Variants in GSG1L observed in about 807,000 individuals in gnomAD.
GSG1L encodes GSG1 like, also known as germ cell-specific gene 1-like protein.
Under a neutral mutation model 42.1 loss-of-function variants are expected in GSG1L, and 24 were observed. That is an observed-to-expected ratio of 0.57 (90% CI 0.41 to 0.80). GSG1L has a LOEUF of 0.80. GSG1L is among the 30% of genes least tolerant of loss of function. The probability of loss-of-function intolerance (pLI) is 0.00; values close to 1 mark genes in which losing one functional copy is unlikely to be tolerated. For missense variants in GSG1L, 445 were observed against 472.2 expected, an observed-to-expected ratio of 0.94 and a Z score of 0.53; for synonymous variants, 215 against 203.5, an observed-to-expected ratio of 1.06 and a Z score of -0.48.
At chr16:27,952,739 G>T (rs2084963867) in intron 2 of GSG1L, among the ~76,000 whole-genome samples, 1 of 152,230 alleles carries the variant, frequency 6.6e-6, no homozygotes, top group Admixed American at 6.5e-5. Context: ...AAGATAATTT[G>T]AAATTCAGCA....
chr16:28,039,870 GCAGAT>G (rs2086087671), intron 1 of GSG1L, among the ~76,000 whole-genome samples: 1 of 152,126 alleles, frequency 6.6e-6, no homozygotes, highest in East Asian at 1.9e-4. Context: ...TTGGTCAACA[GCAGAT>G]CAGAAGTCAA....
chr16:28,035,567 A>G (rs2086024818), intron 1 of GSG1L, among the ~76,000 whole-genome samples: 1 of 152,326 alleles, frequency 6.6e-6, no homozygotes, highest in African/African-American at 2.4e-5. Context: ...TTAATAAAAT[A>G]TCGGGAAGCA....
rs535178513 is a variant in GSG1L, at chr16:27,929,892, T to C, written c.397+33264A>G. ...TCCATGGAACCTCCTTCCTTACCAT[T>C]ACCTTCCTCTCCTGCCAGCATGGGT... On this transcript the variant is annotated intron_variant, in intron 2 of 6. Transcript: ENST00000447459. 3.6e-4 allele frequency among the ~76,000 whole-genome samples: 54 copies of C among 152,110 alleles called. 1 individual carries two copies. In the South Asian group the frequency reaches 0.011, roughly 30 times the overall value.
intron 3 of GSG1L, among the ~76,000 whole-genome samples, chr16:27,851,658 C>A (rs543743680): frequency 2.0e-5 from 3 of 152,260 alleles, no homozygotes; most frequent in Middle Eastern, 3.4e-3. Context: ...GAAATGCATG[C>A]GGCTCTCAGG....
chr16:27,916,223 C>T (rs1414856886), intron 2 of GSG1L, among the ~76,000 whole-genome samples: 1 of 152,198 alleles, frequency 6.6e-6, no homozygotes, highest in African/African-American at 2.4e-5. Context: ...GAGACCACAC[C>T]CCTTCCATGC....
chr16:28,063,650 G>T lies in GSG1L; in HGVS notation c.-226C>A. ...GCTGGCGGGGCGGGCGGCGGTGGAG[G>T]AGCGGCTACGGCGCGCCCGGAGCCC... On this transcript the variant is annotated 5_prime_UTR_variant, in exon 1 of 7. Coordinates refer to ENST00000447459, the MANE Select transcript of GSG1L (RefSeq NM_001109763.2). The surrounding 1 kb of genome is among the most constrained non-coding windows in gnomAD (Gnocchi z 5.8). 1 of 150,038 alleles carries T rather than the reference G, an allele frequency of 6.7e-6. No individual in the cohort carries two copies. Among genetic ancestry groups the T allele is most frequent in the South Asian group, 1.8e-4 (1 of 5,654 alleles). The allele number at this position is 150,038 out of a possible 1,614,324, so 9.3% of individuals were successfully genotyped here. A position where few individuals can be genotyped will look rare whatever the true frequency, so the allele number is the denominator to read the frequency against.
intron 1 of GSG1L, among the ~76,000 whole-genome samples, chr16:28,053,867 C>T (rs1463597830): frequency 6.6e-6 from 1 of 152,170 alleles, no homozygotes; most frequent in East Asian, 1.9e-4. Flanking sequence ...GCACCCAATG[C>T]GGTGCACGTG....
chr16:27,963,843 G>A (rs1332044742), intron 1 of GSG1L, among the ~76,000 whole-genome samples: 2 of 152,064 alleles, frequency 1.3e-5, no homozygotes, highest in Non-Finnish European at 2.9e-5. Flanking sequence ...ATGGGGCATG[G>A]CCACCATCCT....
rs144616580 is a variant in GSG1L at position 27,809,567 on chromosome 16, AC to A, written c.831-2014del. Among the ~76,000 whole-genome samples the A allele has an allele frequency of 9.5e-3, 1,213 of 128,040 alleles. 17 individuals are homozygous for A. Among genetic ancestry groups the A allele is most frequent in the African/African-American group, 0.034 (1,154 of 33,452 alleles). 84.0% of individuals were successfully genotyped at this position (128,040 alleles called of 152,430 possible). A position where few individuals can be genotyped will look rare whatever the true frequency, so the allele number is the denominator to read the frequency against. The stretch of plus-strand genomic sequence containing the variant: ...CACTCCAGCCCAAGCAACAAGTGAG[AC>A]CCCGTCTGAGAAAAAAAAAAAAACC... On this transcript the variant is annotated intron_variant, in intron 5 of 6. Coordinates refer to ENST00000447459, the MANE Select transcript of GSG1L (RefSeq NM_001109763.2).
intron 2 of GSG1L, among the ~76,000 whole-genome samples, chr16:27,959,960 G>A (rs1325594604): frequency 2.0e-5 from 3 of 152,128 alleles, no homozygotes; most frequent in Admixed American, 1.3e-4. Flanking sequence ...TCAGGCAAAC[G>A]AAGAAAAATG....
intron 1 of GSG1L, among the ~76,000 whole-genome samples, chr16:28,001,920 G>A (rs1345735068): frequency 6.6e-6 from 1 of 152,172 alleles, no homozygotes. Context: ...CTATGTATAG[G>A]CAAGAATGGG....
intron 6 of GSG1L, among the ~76,000 whole-genome samples, chr16:27,804,395 C>T (rs1382002809): frequency 6.6e-6 from 1 of 152,116 alleles, no homozygotes; most frequent in Non-Finnish European, 1.5e-5. Flanking sequence ...GTCCCAGCTC[C>T]GTGGTTTCTC....
chr16:27,828,968 T>A lies in GSG1L; in HGVS notation c.663-12A>T, dbSNP rs1235610391. 3.1e-6 allele frequency: 5 copies of A among 1,613,272 alleles called. No individual in the cohort carries two copies. Among genetic ancestry groups the A allele is most frequent in the Admixed American group, 3.3e-5 (2 of 59,942 alleles). ...AGCCCCACGCCAGGCTGCCAAGAGATCAGGAGAGAGATGCCATCGTGAGGG... is the reference window on the plus strand; with the variant it reads ...AGCCCCACGCCAGGCTGCCAAGAGAACAGGAGAGAGATGCCATCGTGAGGG... On this transcript the variant is annotated splice_polypyrimidine_tract_variant and intron_variant, in intron 4 of 6. Transcript: ENST00000447459.
At chr16:28,041,136 T>C (rs530759871) in intron 1 of GSG1L, among the ~76,000 whole-genome samples, 6 of 152,312 alleles carry the variant, frequency 3.9e-5, no homozygotes, top group Middle Eastern at 3.4e-3. Flanking sequence ...CTTTGATCCC[T>C]GATAGCTATC....
Position 27,909,382 on chromosome 16 carries a change from T to A in GSG1L, c.398-24744A>T, listed in dbSNP as rs546095542. On this transcript the variant is annotated intron_variant, in intron 2 of 6. Coordinates refer to ENST00000447459, the MANE Select transcript of GSG1L (RefSeq NM_001109763.2). The stretch of plus-strand genomic sequence containing the variant: ...TTTCTTTCTTTCTTTCTTCTTTTTC[T>A]TTTTTTTTTTTTTTTTGACAGGGTT... Among the ~76,000 whole-genome samples the A allele has an allele frequency of 2.5e-3, 157 of 62,036 alleles. 2 individuals carry two copies. The highest frequency in any genetic ancestry group is 7.9e-3 in the African/African-American group (105 of 13,244). The allele number at this position is 62,036 out of a possible 152,430, so 40.7% of individuals were successfully genotyped here.
intron 1 of GSG1L, among the ~76,000 whole-genome samples, chr16:27,987,967 A>AAAAAAAAC (rs2085407234): frequency 2.0e-5 from 3 of 148,082 alleles, no homozygotes; most frequent in Admixed American, 6.8e-5. Flanking sequence ...AAAAAAAAAA[A>AAAAAAAAC]CCGGAAAAGA....
chr16:27,847,722 G>A (rs2083459920), intron 3 of GSG1L, among the ~76,000 whole-genome samples: 1 of 152,194 alleles, frequency 6.6e-6, no homozygotes, highest in African/African-American at 2.4e-5. Flanking sequence ...TCTCGTGATA[G>A]CGAGTGAGTT....
intron 4 of GSG1L, among the ~76,000 whole-genome samples, chr16:27,833,727 TTTG>T (rs530103347): frequency 2.8e-3 from 426 of 152,260 alleles, no homozygotes; most frequent in Non-Finnish European, 4.5e-3. Flanking sequence ...TATTTTTAAT[TTTG>T]TTGTCCGAAT....
intron 2 of GSG1L, among the ~76,000 whole-genome samples, chr16:27,901,169 T>C (rs1159600642): frequency 2.0e-5 from 3 of 152,194 alleles, no homozygotes; most frequent in Non-Finnish European, 4.4e-5. Flanking sequence ...TTAGTACACA[T>C]ACTTCTTGAT....
Sources: gnomAD v4.1 joint callset for allele counts (sites outside exome capture counted in the v4.1 genomes callset) on GRCh38, gnomAD v4.1.1 for gene constraint, Gnocchi (gnomAD v3.1) non-coding constraint, MANE v1.5 for transcripts, NCBI Gene and HGNC (gene_info 2026-07-23, HGNC 2026-07-21) for gene names.